The following KLF9 variants were observed in gnomAD, a reference collection of about 807,000 sequenced individuals.
KLF9 encodes the protein Krueppel-like factor 9.
KLF9 carries 2 observed loss-of-function variants against 17.3 expected under a neutral mutation model. That is an observed-to-expected ratio of 0.12 (90% CI 0.05 to 0.36). The LOEUF is 0.36. KLF9 is among the 10% of genes least tolerant of loss of function. The pLI is 1.00. For synonymous variants in KLF9, 138 were observed against 139.2 expected, an observed-to-expected ratio of 0.99 and a Z score of 0.06; for missense variants, 226 against 333.2, an observed-to-expected ratio of 0.68 and a Z score of 2.51.
intron 1 of KLF9, among the ~76,000 whole-genome samples, chr9:70,409,431 C>T (rs1299368796): frequency 6.6e-6 from 1 of 151,504 alleles, no homozygotes; most frequent in African/African-American, 2.4e-5. Flanking sequence ...ATCCAGATAT[C>T]AACCCAGCAT....
chr9:70,392,704 C>T (rs1249394962), intron 1 of KLF9, among the ~76,000 whole-genome samples: 2 of 152,168 alleles, frequency 1.3e-5, no homozygotes, highest in Non-Finnish European at 2.9e-5. Context: ...ACGGTCACTC[C>T]ACCTTCGTCT....
chr9:70,392,655 G>C (rs1170260210), intron 1 of KLF9, among the ~76,000 whole-genome samples: 2 of 152,192 alleles, frequency 1.3e-5, no homozygotes, highest in Non-Finnish European at 2.9e-5. Flanking sequence ...AATGGGACCA[G>C]AGATGATCTA....
At chr9:70,397,418 T>C (rs1305598042) in intron 1 of KLF9, among the ~76,000 whole-genome samples, 2 of 151,836 alleles carry the variant, frequency 1.3e-5, no homozygotes, top group Admixed American at 6.6e-5. Flanking sequence ...GAGGTTGCAG[T>C]GAGCTGAGAT....
chr9:70,409,177 T>TGTATACATATAC (rs2037290790), intron 1 of KLF9, among the ~76,000 whole-genome samples: 2 of 100,840 alleles, frequency 2.0e-5, no homozygotes. Context: ...TATGTATATA[T>TGTATACATATAC]ATGTATACAT....
rs554659149 is a variant in KLF9, at chr9:70,402,425, C to T, written c.505+10434G>A. Among the ~76,000 whole-genome samples the T allele has an allele frequency of 2.0e-5, 3 of 152,296 alleles. No individual in the cohort carries two copies. The South Asian group carries it at 6.2e-4, about 32-fold the overall frequency. Reference sequence around the variant, plus strand: ...CCAGTGGGAACTGCCATATAAACAGCTCGTCTTTGCATAGACTAGGCTTTT... The same window carrying T: ...CCAGTGGGAACTGCCATATAAACAGTTCGTCTTTGCATAGACTAGGCTTTT... On this transcript the variant is annotated intron_variant, in intron 1 of 1. Transcript: ENST00000377126.
chr9:70,392,414 G>T (rs577850530), intron 1 of KLF9, among the ~76,000 whole-genome samples: 1 of 152,232 alleles, frequency 6.6e-6, no homozygotes, highest in East Asian at 1.9e-4. Context: ...GTGTACGCAG[G>T]CTGGATTCTG....
chr9:70,412,645 A>G (rs930000144), intron 1 of KLF9, among the ~76,000 whole-genome samples: 1 of 152,218 alleles, frequency 6.6e-6, no homozygotes, highest in African/African-American at 2.4e-5. Flanking sequence ...CCGCCAGTTT[A>G]AGGCTCTCCG....
chr9:70,408,552 C>T (rs1246099658), intron 1 of KLF9, among the ~76,000 whole-genome samples: 2 of 152,106 alleles, frequency 1.3e-5, no homozygotes, highest in East Asian at 3.9e-4. Flanking sequence ...ATGGGCAGCC[C>T]AGTGAGCTAA....
At chr9:70,410,017 AC>A (rs2037298160) in intron 1 of KLF9, among the ~76,000 whole-genome samples, 1 of 152,224 alleles carries the variant, frequency 6.6e-6, no homozygotes, top group African/African-American at 2.4e-5. Flanking sequence ...TTGCACAAGA[AC>A]CTGTGACTTG....
chr9:70,395,401 G>A (rs76197462), intron 1 of KLF9, among the ~76,000 whole-genome samples: 1 of 133,076 alleles, frequency 7.5e-6, no homozygotes, highest in Non-Finnish European at 1.6e-5. Context: ...TCCTGGAATA[G>A]AGACTTTCTA....
chr9:70,409,369 A>G (rs2037294239), intron 1 of KLF9, among the ~76,000 whole-genome samples: 2 of 151,278 alleles, frequency 1.3e-5, no homozygotes, highest in Admixed American at 6.6e-5. Flanking sequence ...AGCCCCTCCA[A>G]AAAGAGAATA....
intron 1 of KLF9, among the ~76,000 whole-genome samples, chr9:70,390,657 A>ACT (rs142487683): frequency 0.017 from 2,518 of 146,368 alleles, 27 homozygotes; most frequent in Admixed American, 0.022. Flanking sequence ...ACATACACAC[A>ACT]CTCTCTCTCT....
chr9:70,394,245 A>G (rs185954007), intron 1 of KLF9, among the ~76,000 whole-genome samples: 1 of 151,826 alleles, frequency 6.6e-6, no homozygotes, highest in East Asian at 1.9e-4. Context: ...TTTAAAAAGG[A>G]CAATTTGATA....
intron 1 of KLF9, among the ~76,000 whole-genome samples, chr9:70,407,052 A>G (rs1353345974): frequency 6.6e-6 from 1 of 152,016 alleles, no homozygotes; most frequent in African/African-American, 2.4e-5. Flanking sequence ...AGCATGTCAG[A>G]TTGTTTTAGG....
chr9:70,400,426 A>T (rs1377374185), intron 1 of KLF9, among the ~76,000 whole-genome samples: 1 of 152,120 alleles, frequency 6.6e-6, no homozygotes, highest in Non-Finnish European at 1.5e-5. Flanking sequence ...CCCCATGCCC[A>T]CCAAACAGAA....
intron 1 of KLF9, among the ~76,000 whole-genome samples, chr9:70,389,443 T>G (rs1217569560): frequency 1.3e-5 from 2 of 152,150 alleles, no homozygotes; most frequent in Non-Finnish European, 2.9e-5. Flanking sequence ...AGCAGAGTAA[T>G]GAACTGGCCC....
At chr9:70,394,137 A>C (rs944752054) in intron 1 of KLF9, among the ~76,000 whole-genome samples, 2 of 151,960 alleles carry the variant, frequency 1.3e-5, no homozygotes, top group Admixed American at 1.3e-4. Flanking sequence ...TAATCCCAGC[A>C]CTTTGGGAGG....
intron 1 of KLF9, among the ~76,000 whole-genome samples, chr9:70,388,418 C>T (rs897912666): frequency 3.9e-5 from 6 of 152,150 alleles, no homozygotes; most frequent in African/African-American, 7.2e-5. Context: ...GTCTCCAGAA[C>T]TGTGAGGAAA....
At chr9:70,412,657 G>A (rs1215827704) in intron 1 of KLF9, among the ~76,000 whole-genome samples, 1 of 152,214 alleles carries the variant, frequency 6.6e-6, no homozygotes, top group East Asian at 1.9e-4. Flanking sequence ...GGCTCTCCGT[G>A]GCTCCCGGAG....
Sources: allele counts gnomAD v4.1 joint callset (sites outside exome capture counted in the v4.1 genomes callset), GRCh38; gene constraint gnomAD v4.1.1; transcripts MANE v1.5; gene names NCBI Gene and HGNC (gene_info 2026-07-23, HGNC 2026-07-21).